MAVS: variants seen among roughly 807,000 people sequenced by gnomAD.
MAVS encodes the protein mitochondrial antiviral-signaling protein.
A neutral mutation model predicts 30.2 loss-of-function variants in MAVS; 20 were observed. The ratio of observed to expected loss-of-function variants is 0.66; its 90% CI spans 0.47 to 0.96. MAVS has a LOEUF of 0.96. Ranked by LOEUF, MAVS falls within the 40% of genes least tolerant of loss-of-function variation. The pLI is 0.00. For missense variants in MAVS, 624 were observed against 701.1 expected, an observed-to-expected ratio of 0.89 and a Z score of 1.24; for synonymous variants, 278 against 293.9, an observed-to-expected ratio of 0.95 and a Z score of 0.55.
At chr20:3,859,729 G>GC (rs1191155361) in intron 3 of MAVS, among the ~76,000 whole-genome samples, 4 of 151,686 alleles carry the variant, frequency 2.6e-5, no homozygotes, top group Non-Finnish European at 5.9e-5. Context: ...GACCCACGAG[G>GC]CCCCCCCATA....
chr20:3,862,413 G>C lies in MAVS; in HGVS notation c.625G>C (p.Gly209Arg), dbSNP rs767530905. The C allele has an allele frequency of 1.2e-6, 2 of 1,610,400 alleles. No homozygotes were observed. Among genetic ancestry groups the C allele is most frequent in the Non-Finnish European group, 8.5e-7 (1 of 1,178,386 alleles). Reference sequence around the variant, plus strand: ...AGAACTGGGCAGTACCCACACAGCAGGTATGCATGGAATCTGGAATTATAG... The same window carrying C: ...AGAACTGGGCAGTACCCACACAGCACGTATGCATGGAATCTGGAATTATAG... The part of the protein sequence containing the change: ...DTELGSTHTA[G>R]ATSSLTPSRG... Residue 209 changes from glycine (G) to arginine (R), a missense_variant and splice_region_variant, in exon 5 of 7, where the codon GGT (glycine) becomes CGT (arginine). Coordinates refer to ENST00000428216, the MANE Select transcript of MAVS (RefSeq NM_020746.5).
chr20:3,850,137 C>A (rs1168170824), intron 1 of MAVS, among the ~76,000 whole-genome samples: 2 of 151,168 alleles, frequency 1.3e-5, no homozygotes, highest in Admixed American at 1.3e-4. Flanking sequence ...ATTAGCCGAG[C>A]GTGGTAGCAG....
At position 3,862,296 on chromosome 20, in the gene MAVS, C is replaced by G. The variant is rs2146773043; in HGVS notation, c.508C>G (p.Pro170Ala). ...GCAGACGCTCAGCCCCAGAGCCATC[C>G]CAAGGAATCCAGATGGTGGCCCCCT... ...ALQTLSPRAI[P>A]RNPDGGPLES... The change falls in exon 5 of 7, where the codon CCA becomes GCA. Residue 170 changes from proline (P) to alanine (A), a missense_variant. Physicochemically the swap from Pro to Ala is conservative, Grantham distance 27. Transcript: ENST00000428216. 1 of 1,614,076 alleles carries G rather than the reference C, an allele frequency of 6.2e-7. No homozygotes were observed. Among genetic ancestry groups the G allele is most frequent in the Middle Eastern group, 1.6e-4 (1 of 6,062 alleles).
Position 3,865,237 on chromosome 20 carries a change from C to G in MAVS, c.1159-446C>G, listed in dbSNP as rs375029470. On this transcript the variant is annotated intron_variant, in intron 6 of 6. Transcript: ENST00000428216. The surrounding 1 kb of genome is among the most constrained non-coding windows in gnomAD (Gnocchi z 4.7). ...CGCAGTCCCACCTGGAGCAGCCACT[C>G]GGACCCAGCAGCCCCCCATTGTTGC... Among the ~76,000 whole-genome samples the G allele has an allele frequency of 1.3e-5, 2 of 152,328 alleles. No homozygotes were observed. Among genetic ancestry groups the G allele is most frequent in the East Asian group, 1.9e-4 (1 of 5,192 alleles).
At position 3,873,036 on chromosome 20, in the gene MAVS, A is replaced by G. The variant is rs1463000895; in HGVS notation, c.*6889A>G. On this transcript the variant is annotated 3_prime_UTR_variant, in exon 7 of 7. Transcript: ENST00000428216. ...TCTGATCAGTTATGTACTGTTTATA[A>G]TAAGTAAATCAGCAGAGGGGGAATA... is the stretch of plus-strand genomic sequence containing the variant. The G allele has an allele frequency of 6.6e-6, 1 of 152,334 alleles. No individual in the cohort carries two copies. The highest frequency in any genetic ancestry group is 1.5e-5 in the Non-Finnish European group (1 of 68,044). 9.4% of individuals were successfully genotyped at this position (152,334 alleles called of 1,614,324 possible). A position where few individuals can be genotyped will look rare whatever the true frequency, so the allele number is the denominator to read the frequency against.
chr20:3,862,533 C>T, intron 5 of MAVS, 120 bp downstream of exon 5: 1 of 1,102,518 alleles, frequency 9.1e-7, no homozygotes, highest in East Asian at 2.7e-5. Flanking sequence ...GGAGTTCAAC[C>T]CAGGAAGCAA....
At chr20:3,863,468 C>A (rs2089881762) in intron 5 of MAVS, among the ~76,000 whole-genome samples, 1 of 152,186 alleles carries the variant, frequency 6.6e-6, no homozygotes, top group East Asian at 1.9e-4. Context: ...GTCACCTGGC[C>A]ACGGGATGCC....
At position 3,866,354 on chromosome 20, in the gene MAVS, C is replaced by T; in HGVS notation, c.*207C>T. 1.7e-6 allele frequency: 1 copy of T among 584,188 alleles called. No homozygotes were observed. The highest frequency in any genetic ancestry group is 2.3e-5 in the South Asian group (1 of 42,774). The allele number at this position is 584,188 out of a possible 1,614,324, so 36.2% of individuals were successfully genotyped here. On this transcript the variant is annotated 3_prime_UTR_variant, in exon 7 of 7. Transcript: ENST00000428216. ...TGTCCCCACGGTGCCTTGTGTGGGTCCCCGTCCTTGGCTTTCTGGGTCCTG... is the reference window on the plus strand; with the variant it reads ...TGTCCCCACGGTGCCTTGTGTGGGTTCCCGTCCTTGGCTTTCTGGGTCCTG...
intron 3 of MAVS, among the ~76,000 whole-genome samples, chr20:3,859,366 C>T (rs561334536): frequency 2.0e-4 from 31 of 151,834 alleles, no homozygotes; most frequent in Admixed American, 3.9e-4. Flanking sequence ...AAATTAGCTG[C>T]GCATGGTGGT....
At chr20:3,859,909 C>T (rs566974754) in intron 3 of MAVS, among the ~76,000 whole-genome samples, 7 of 151,934 alleles carry the variant, frequency 4.6e-5, no homozygotes, top group South Asian at 2.1e-4. Context: ...CTCCGCCTCC[C>T]GGGTTCACGC....
intron 1 of MAVS, among the ~76,000 whole-genome samples, chr20:3,849,359 A>G (rs1263486992): frequency 6.6e-6 from 1 of 151,588 alleles, no homozygotes; most frequent in Admixed American, 6.6e-5. Flanking sequence ...ACAGGCGCCC[A>G]CCACCATGCT....
intron 3 of MAVS, among the ~76,000 whole-genome samples, chr20:3,859,332 CCT>C (rs2146768205): frequency 6.6e-6 from 1 of 152,008 alleles, no homozygotes; most frequent in African/African-American, 2.4e-5. Flanking sequence ...ATGGTGAAAC[CCT>C]GTCTGTACCA....
At chr20:3,853,096 C>G (rs1008649692) in intron 1 of MAVS, among the ~76,000 whole-genome samples, 3 of 150,286 alleles carry the variant, frequency 2.0e-5, no homozygotes, top group African/African-American at 7.3e-5. Flanking sequence ...GCCTCGGCCT[C>G]CCAACGTGCT....
At chr20:3,855,649 C>T (rs150976759) in intron 2 of MAVS, among the ~76,000 whole-genome samples, 302 of 152,300 alleles carry the variant, frequency 2.0e-3, no homozygotes, top group African/African-American at 6.7e-3. Context: ...TTGTTGTCTC[C>T]GCTGTCCTCC....
chr20:3,859,998 T>C (rs2089852246), intron 3 of MAVS, among the ~76,000 whole-genome samples: 2 of 150,720 alleles, frequency 1.3e-5, no homozygotes, highest in African/African-American at 2.4e-5. Context: ...TTGTATTTTT[T>C]AGTAGAGATG....
At chr20:3,850,886 A>C (rs1254250145) in intron 1 of MAVS, among the ~76,000 whole-genome samples, 9 of 59,974 alleles carry the variant, frequency 1.5e-4, no homozygotes, top group Non-Finnish European at 1.2e-4. Flanking sequence ...ACTCCGTCTC[A>C]AAAAAAAAAA....
At chr20:3,854,817 T>TTCCTCACC (rs1453083306) in intron 2 of MAVS, 76 bp downstream of exon 2, 1 of 996,268 alleles carries the variant, frequency 1.0e-6, no homozygotes, top group Non-Finnish European at 1.5e-6. Flanking sequence ...CCCATCCTAG[T>TTCCTCACC]TCCTCACCCA....
In MAVS at chr20:3,874,983, CACAA is replaced by C. The variant is rs2089980950; in HGVS notation, c.*8840_*8843del. ...GCTCCAAGTCATTGCTTACTACACCCACAAACATTCTTCGTTCTTTAAGGCCTAA... is the reference window on the plus strand; with the variant it reads ...GCTCCAAGTCATTGCTTACTACACCCACATTCTTCGTTCTTTAAGGCCTAA... On this transcript the variant is annotated 3_prime_UTR_variant, in exon 7 of 7. Transcript: ENST00000428216. The C allele has an allele frequency of 6.6e-6, 1 of 152,340 alleles. No homozygotes were observed. Among genetic ancestry groups the C allele is most frequent in the Non-Finnish European group, 1.5e-5 (1 of 68,040 alleles). The allele number at this position is 152,340 out of a possible 1,614,324, so 9.4% of individuals were successfully genotyped here. A position where few individuals can be genotyped will look rare whatever the true frequency, so the allele number is the denominator to read the frequency against.
At chr20:3,847,158 T>C (rs1304708514) in intron 1 of MAVS, among the ~76,000 whole-genome samples, 1 of 152,064 alleles carries the variant, frequency 6.6e-6, no homozygotes, top group Non-Finnish European at 1.5e-5. Flanking sequence ...GGGCGTCTGC[T>C]CAGGCTGGGG....
Sources: gnomAD v4.1 joint callset for allele counts (sites outside exome capture counted in the v4.1 genomes callset) on GRCh38, gnomAD v4.1.1 for gene constraint, Gnocchi (gnomAD v3.1) non-coding constraint, MANE v1.5 for transcripts, NCBI Gene and HGNC (gene_info 2026-07-23, HGNC 2026-07-21) for gene names.